Variants in ADARB2 observed in about 807,000 individuals in gnomAD.
ADARB2 encodes inactive double-stranded RNA-specific editase B2.
Under a neutral mutation model 62.2 loss-of-function variants are expected in ADARB2, and 25 were observed. The observed-to-expected ratio is 0.40, with a 90% confidence interval of 0.29 to 0.56. The LOEUF (loss-of-function observed/expected upper bound fraction) is 0.56. Ranked by LOEUF, ADARB2 falls within the 20% of genes least tolerant of loss-of-function variation. The pLI is 0.43. For missense variants in ADARB2, 1,071 were observed against 1,077.4 expected (o/e 0.99, Z 0.08); for synonymous variants, 572 against 500.8 (o/e 1.14, Z -1.90).
chr10:1,257,653 AAAGAGAGGTGCG>A (rs1831091963), intron 4 of ADARB2, among the ~76,000 whole-genome samples: 2 of 152,280 alleles, frequency 1.3e-5, no homozygotes, highest in African/African-American at 4.8e-5. Flanking sequence ...GGTGTGTGGG[AAAGAGAGGTGCG>A]GAGAGAGGAA....
intron 1 of ADARB2, among the ~76,000 whole-genome samples, chr10:1,601,919 T>C (rs1293938864): frequency 6.6e-6 from 1 of 152,188 alleles, no homozygotes; most frequent in Non-Finnish European, 1.5e-5. Flanking sequence ...ATTCCCTTTG[T>C]GGAAACCCAG....
chr10:1,381,393 A>G (rs1232838307), intron 1 of ADARB2, among the ~76,000 whole-genome samples: 2 of 152,254 alleles, frequency 1.3e-5, no homozygotes, highest in African/African-American at 4.8e-5. Flanking sequence ...TGTTTATTAG[A>G]AAAACAAAGC....
intron 1 of ADARB2, among the ~76,000 whole-genome samples, chr10:1,621,661 A>C (rs1426128173): frequency 1.3e-5 from 2 of 152,376 alleles, no homozygotes; most frequent in East Asian, 3.9e-4. Flanking sequence ...AGTGAAATGC[A>C]AGACTTGTGT....
At chr10:1,579,122 C>T (rs2131999037) in intron 1 of ADARB2, among the ~76,000 whole-genome samples, 1 of 152,278 alleles carries the variant, frequency 6.6e-6, no homozygotes, top group East Asian at 1.9e-4. Context: ...CTGGCATCCT[C>T]CTAGCACACC....
At chr10:1,198,887 A>G (rs1836945263) in intron 8 of ADARB2, among the ~76,000 whole-genome samples, 1 of 152,242 alleles carries the variant, frequency 6.6e-6, no homozygotes, top group African/African-American at 2.4e-5. Context: ...TGCTCCGTTG[A>G]CGGTGGCTTG....
intron 3 of ADARB2, among the ~76,000 whole-genome samples, chr10:1,334,415 T>C (rs1345947301): frequency 1.3e-5 from 2 of 152,202 alleles, no homozygotes; most frequent in Non-Finnish European, 2.9e-5. Context: ...TACAGAGAAA[T>C]ATGCTTCCAG....
intron 8 of ADARB2, among the ~76,000 whole-genome samples, chr10:1,191,470 A>C (rs1836844714): frequency 1.3e-5 from 2 of 152,082 alleles, no homozygotes; most frequent in African/African-American, 4.8e-5. Flanking sequence ...GGTGGTGAGC[A>C]GGGTCGGGCC....
chr10:1,619,289 T>TAAAAA (rs59098282), intron 1 of ADARB2, among the ~76,000 whole-genome samples: 2 of 115,758 alleles, frequency 1.7e-5, no homozygotes, highest in African/African-American at 3.1e-5. Flanking sequence ...ACATTGAAAG[T>TAAAAA]AAAAAAAAAA....
At chr10:1,513,587 A>T (rs1588283619) in intron 1 of ADARB2, among the ~76,000 whole-genome samples, 2 of 152,292 alleles carry the variant, frequency 1.3e-5, no homozygotes, top group East Asian at 3.9e-4. Context: ...CTGGGGTGGA[A>T]TTATCCAGAC....
intron 1 of ADARB2, among the ~76,000 whole-genome samples, chr10:1,482,196 G>C (rs1770663014): frequency 6.6e-6 from 1 of 152,196 alleles, no homozygotes; most frequent in African/African-American, 2.4e-5. Context: ...GGTTCCTTGG[G>C]AAAAGTAAGC....
chr10:1,388,883 A>G (rs1471343297), intron 1 of ADARB2, among the ~76,000 whole-genome samples: 2 of 152,212 alleles, frequency 1.3e-5, no homozygotes, highest in Non-Finnish European at 2.9e-5. Context: ...AATGCAAAAG[A>G]CCCAGAATAG....
At chr10:1,734,725 G>C (rs1239541578) in intron 1 of ADARB2, among the ~76,000 whole-genome samples, 1 of 152,154 alleles carries the variant, frequency 6.6e-6, no homozygotes, top group African/African-American at 2.4e-5. Flanking sequence ...GCACCTAATA[G>C]AGCCACACTA....
chr10:1,396,623 C>T (rs1473559276), intron 1 of ADARB2, among the ~76,000 whole-genome samples: 1 of 151,188 alleles, frequency 6.6e-6, no homozygotes, highest in Non-Finnish European at 1.5e-5. Flanking sequence ...CCTCTCCCCT[C>T]CCGAGTGCAG....
At chr10:1,651,108 G>A (rs1564358416) in intron 1 of ADARB2, among the ~76,000 whole-genome samples, 1 of 152,344 alleles carries the variant, frequency 6.6e-6, no homozygotes, top group South Asian at 2.1e-4. Context: ...TTGGGGATGG[G>A]AGTGCCAGTC....
At chr10:1,563,876 C>A (rs901463397) in intron 1 of ADARB2, among the ~76,000 whole-genome samples, 1 of 146,066 alleles carries the variant, frequency 6.8e-6, no homozygotes, top group African/African-American at 2.5e-5. Context: ...TGAGAATATG[C>A]GGTGTTTGGT....
At position 1,528,587 on chromosome 10, in the gene ADARB2, C is replaced by T. The variant is rs76186670; in HGVS notation, c.101-149427G>A. On this transcript the variant is annotated intron_variant, in intron 1 of 9. Coordinates refer to ENST00000381312, the MANE Select transcript of ADARB2 (RefSeq NM_018702.4). The stretch of plus-strand genomic sequence containing the variant: ...GGTCTTTGGTCATCCCAGCAGCGCC[C>T]GGTGTGAGCCCTCTCAAGTTCTCCA... Among the ~76,000 whole-genome samples the T allele has an allele frequency of 0.012, 1,819 of 152,300 alleles. 59 individuals carry two copies. In the East Asian group the frequency reaches 0.13, roughly 11 times the overall value.
chr10:1,208,528 C>T (rs1488666284), intron 7 of ADARB2, among the ~76,000 whole-genome samples: 2 of 152,228 alleles, frequency 1.3e-5, no homozygotes, highest in Non-Finnish European at 2.9e-5. Context: ...ATTCTCTCAC[C>T]TCCCTGCTTC....
intron 1 of ADARB2, among the ~76,000 whole-genome samples, chr10:1,668,382 G>A (rs1834338961): frequency 5.9e-5 from 9 of 152,150 alleles, no homozygotes; most frequent in Admixed American, 5.9e-4. Context: ...CAAACTTTAG[G>A]CACTGACATG....
intron 6 of ADARB2, among the ~76,000 whole-genome samples, chr10:1,218,155 A>T (rs1830648694): frequency 6.6e-6 from 1 of 152,132 alleles, no homozygotes; most frequent in East Asian, 1.9e-4. Context: ...GGTTCAAGAG[A>T]TTCTCCTGCC....
Sources: gnomAD v4.1 joint callset for allele counts (sites outside exome capture counted in the v4.1 genomes callset) on GRCh38, gnomAD v4.1.1 for gene constraint, MANE v1.5 for transcripts, NCBI Gene and HGNC (gene_info 2026-07-23, HGNC 2026-07-21) for gene names.